QRSL1: variants seen among roughly 807,000 people sequenced by gnomAD.
QRSL1 encodes the protein glutaminyl-tRNA amidotransferase subunit QRSL1.
Under a neutral mutation model 61.6 loss-of-function variants are expected in QRSL1, and 54 were observed. That is an observed-to-expected ratio of 0.88 (90% CI 0.70 to 1.10). QRSL1 has a LOEUF of 1.10. QRSL1 is among the 50% of genes least tolerant of loss of function. The pLI, the probability that QRSL1 is intolerant of heterozygous loss-of-function variation, is 0.00. For missense variants in QRSL1, 505 were observed against 622.6 expected, an observed-to-expected ratio of 0.81 and a Z score of 2.01; for synonymous variants, 228 against 225.7, an observed-to-expected ratio of 1.01 and a Z score of -0.09.
chr6:106,655,042 A>G, intron 8 of QRSL1, 120 bp downstream of exon 8: 1 of 912,948 alleles, frequency 1.1e-6, no homozygotes, highest in South Asian at 1.8e-5. Flanking sequence ...AAAGTTCATC[A>G]GTGAATCATT....
chr6:106,633,899 C>A (rs1776876764), intron 1 of QRSL1, among the ~76,000 whole-genome samples: 1 of 151,614 alleles, frequency 6.6e-6, no homozygotes, highest in Non-Finnish European at 1.5e-5. Flanking sequence ...GAAGCTCCTG[C>A]TTCCTGAAAC....
Position 106,652,317 on chromosome 6 carries a change from C to G in QRSL1, c.666C>G (p.Pro222=). ...TAGTTTCCCGTCATGGTCTCATTCCCCTGGTGAATTCGATGGATGTGCCAG... is the reference window on the plus strand; with the variant it reads ...TAGTTTCCCGTCATGGTCTCATTCCGCTGGTGAATTCGATGGATGTGCCAG... The part of the protein sequence containing the change: ...YGLVSRHGLI[P]LVNSMDVPGI... Residue 222 remains proline (P), a synonymous_variant, in exon 6 of 11, where the codon CCC becomes CCG. Coordinates refer to ENST00000369046, the MANE Select transcript of QRSL1 (RefSeq NM_018292.5). The G allele has an allele frequency of 1.9e-6, 3 of 1,614,150 alleles. No homozygotes were observed. Among genetic ancestry groups the G allele is most frequent in the African/African-American group, 1.3e-5 (1 of 75,036 alleles).
At position 106,640,331 on chromosome 6, in the gene QRSL1, G is replaced by A; in HGVS notation, c.25-18G>A. ...TCTGCAGACTCAGTAAAAGGTTTTT[G>A]AATTGTATACACTATAGGTTTCTGC... is the stretch of plus-strand genomic sequence containing the variant. On this transcript the variant is annotated intron_variant, in intron 1 of 10. Transcript: ENST00000369046. 6.5e-7 allele frequency: 1 copy of A among 1,545,340 alleles called. No individual in the cohort carries two copies. Among genetic ancestry groups the A allele is most frequent in the Non-Finnish European group, 8.8e-7 (1 of 1,138,320 alleles).
intron 8 of QRSL1, 44 bp from the exon 9 acceptor site, chr6:106,655,571 C>CTTTACT: frequency 8.4e-7 from 1 of 1,188,664 alleles, no homozygotes; most frequent in Non-Finnish European, 1.2e-6. Context: ...ACTTTACTGA[C>CTTTACT]TTTACTTCCT....
At chr6:106,663,434 G>A (rs1242850004) in intron 10 of QRSL1, among the ~76,000 whole-genome samples, 1 of 152,184 alleles carries the variant, frequency 6.6e-6, no homozygotes, top group Admixed American at 6.5e-5. Context: ...TGTACAGGAA[G>A]CTGAGCAGCT....
chr6:106,665,760 C>T, intron 10 of QRSL1, 22 bp from the exon 11 acceptor site: 1 of 1,601,768 alleles, frequency 6.2e-7, no homozygotes, highest in Non-Finnish European at 8.6e-7. Context: ...TAATCACCTA[C>T]TGGGTTTCCT....
rs952014078 is a variant in QRSL1 at position 106,629,599 on chromosome 6, C to T, written c.-83C>T. ...GCTCAGTGACAATTAAAGATGGCTG[C>T]GCCCATGTAACATCACTAGCGACCG... On this transcript the variant is annotated 5_prime_UTR_variant, in exon 1 of 11. Transcript: ENST00000369046. 5.3e-6 allele frequency: 8 copies of T among 1,508,470 alleles called. No individual in the cohort carries two copies. The highest frequency in any genetic ancestry group is 2.4e-5 in the East Asian group (1 of 40,854). 93.4% of individuals were successfully genotyped at this position (1,508,470 alleles called of 1,614,324 possible).
chr6:106,657,905 A>G (rs529785364), intron 9 of QRSL1, among the ~76,000 whole-genome samples: 1 of 152,238 alleles, frequency 6.6e-6, no homozygotes, highest in Non-Finnish European at 1.5e-5. Context: ...GGGTTTCACC[A>G]TATTGGCCAG....
At chr6:106,648,011 T>C (rs1318317716) in intron 4 of QRSL1, among the ~76,000 whole-genome samples, 1 of 150,866 alleles carries the variant, frequency 6.6e-6, no homozygotes, top group Admixed American at 6.6e-5. Flanking sequence ...GATAAAAGTA[T>C]TGTAGGCCGG....
chr6:106,663,985 T>C (rs1459722310), intron 10 of QRSL1, among the ~76,000 whole-genome samples: 1 of 152,180 alleles, frequency 6.6e-6, no homozygotes, highest in Non-Finnish European at 1.5e-5. Context: ...TTTACCTGAA[T>C]CATTTGAAAG....
intron 4 of QRSL1, among the ~76,000 whole-genome samples, chr6:106,646,910 C>A (rs1307133240): frequency 1.3e-5 from 2 of 151,528 alleles, no homozygotes; most frequent in East Asian, 3.9e-4. Flanking sequence ...CGCCTGTAGT[C>A]CCCGCTACTC....
At position 106,662,999 on chromosome 6, in the gene QRSL1, G is replaced by T; in HGVS notation, c.1180G>T (p.Val394Phe). Residue 394 changes from valine (V) to phenylalanine (F), a missense_variant, in exon 10 of 11, where the codon GTC becomes TTC. Coordinates refer to ENST00000369046, the MANE Select transcript of QRSL1 (RefSeq NM_018292.5). Reference protein sequence around the residue: ...LLKENYENYFVKAQKVRRLIA... With the variant: ...LLKENYENYFFKAQKVRRLIA... The stretch of plus-strand genomic sequence containing the variant: ...CCACAGAAACTATGAAAATTATTTT[G>T]TCAAAGCACAGAAAGTGAGACGCCT... 6.2e-7 allele frequency: 1 copy of T among 1,610,280 alleles called. No individual in the cohort carries two copies. The highest frequency in any genetic ancestry group is 1.3e-5 in the African/African-American group (1 of 74,958).
rs775401790 is a variant in QRSL1, at chr6:106,654,828, C to A, written c.948C>A (p.Ser316=). Residue 316 remains serine (S), a synonymous_variant, in exon 8 of 11, where the codon TCC becomes TCA. Transcript: ENST00000369046. Reference sequence around the variant, plus strand: ...AGGGGGCCAAAGTAATTGAAGTATCCCTTCCTCACACCAGTTATTCAATTG... The same window carrying A: ...AGGGGGCCAAAGTAATTGAAGTATCACTTCCTCACACCAGTTATTCAATTG... ...ESEGAKVIEV[S]LPHTSYSIVC... is the part of the protein sequence containing the mutation. The A allele has an allele frequency of 2.5e-6, 4 of 1,613,610 alleles. No individual in the cohort carries two copies. The highest frequency in any genetic ancestry group is 2.5e-6 in the Non-Finnish European group (3 of 1,179,650).
At chr6:106,658,300 TGTA>T (rs1332843479) in intron 9 of QRSL1, among the ~76,000 whole-genome samples, 3 of 152,178 alleles carry the variant, frequency 2.0e-5, no homozygotes, top group Non-Finnish European at 2.9e-5. Context: ...TAATATTTCT[TGTA>T]GTCCTGTTGG....
At chr6:106,654,383 A>C (rs1307359909) in intron 7 of QRSL1, among the ~76,000 whole-genome samples, 1 of 152,154 alleles carries the variant, frequency 6.6e-6, no homozygotes. Flanking sequence ...CTAACAGGGT[A>C]CCTGATACAT....
chr6:106,654,911 G>A lies in QRSL1; in HGVS notation c.1031G>A (p.Gly344Glu). The A allele has an allele frequency of 6.3e-7, 1 of 1,594,572 alleles. No individual in the cohort carries two copies. The highest frequency in any genetic ancestry group is 8.5e-7 in the Non-Finnish European group (1 of 1,171,400). ...GCATCGAATATGGCAAGATTTGATGGGCTACAATATGGTAAGATGGCTGGG... is the reference window on the plus strand; with the variant it reads ...GCATCGAATATGGCAAGATTTGATGAGCTACAATATGGTAAGATGGCTGGG... ...EVASNMARFDGLQYGHRCDID... is the reference protein window; with the variant it reads ...EVASNMARFDELQYGHRCDID... The change falls in exon 8 of 11, where the codon GGG (glycine) becomes GAG (glutamate). Residue 344 changes from glycine to glutamate, a missense_variant. Physicochemically the swap from Gly to Glu is moderately conservative, Grantham distance 98 (BLOSUM62 -2). Transcript: ENST00000369046.
At chr6:106,636,477 C>G (rs544549221) in intron 1 of QRSL1, among the ~76,000 whole-genome samples, 2 of 152,134 alleles carry the variant, frequency 1.3e-5, no homozygotes, top group Non-Finnish European at 2.9e-5. Context: ...CACGCCACCA[C>G]GCCCAGCTAA....
At chr6:106,649,976 C>G (rs1365414480) in intron 5 of QRSL1, among the ~76,000 whole-genome samples, 1 of 152,140 alleles carries the variant, frequency 6.6e-6, no homozygotes, top group East Asian at 1.9e-4. Flanking sequence ...ACACACATTG[C>G]AATCCATAAA....
chr6:106,643,946 G>A (rs371913063), intron 4 of QRSL1, among the ~76,000 whole-genome samples: 14 of 149,244 alleles, frequency 9.4e-5, no homozygotes, highest in Admixed American at 8.1e-4. Context: ...ATCTCGGCTC[G>A]CTGCAGCCTC....
Sources: gnomAD v4.1 joint callset for allele counts (sites outside exome capture counted in the v4.1 genomes callset) on GRCh38, gnomAD v4.1.1 for gene constraint, MANE v1.5 for transcripts, NCBI Gene and HGNC (gene_info 2026-07-23, HGNC 2026-07-21) for gene names.